The following ESRRB variants were observed in gnomAD, a reference collection of about 807,000 sequenced individuals.
The protein encoded by ESRRB is estrogen related receptor beta, also known as steroid hormone receptor ERR2.
A neutral mutation model predicts 46.0 loss-of-function variants in ESRRB; 16 were observed. The observed-to-expected ratio is 0.35, with a 90% CI of 0.24 to 0.53. The LOEUF (loss-of-function observed/expected upper bound fraction) is 0.53. Among genes scored for constraint, ESRRB ranks in the 20% least tolerant of loss-of-function variants. ESRRB has a pLI of 0.93. For synonymous variants in ESRRB, 246 were observed against 259.6 expected, an observed-to-expected ratio of 0.95 and a Z score of 0.50; for missense variants, 488 against 607.4, an observed-to-expected ratio of 0.80 and a Z score of 2.07.
intron 3 of ESRRB, among the ~76,000 whole-genome samples, chr14:76,474,253 C>A (rs960951782): frequency 2.0e-5 from 3 of 152,236 alleles, no homozygotes; most frequent in African/African-American, 7.2e-5. Flanking sequence ...GACTCTATGA[C>A]CTTCAACAGG....
chr14:76,394,490 ACT>A (rs1185940168), intron 1 of ESRRB, among the ~76,000 whole-genome samples: 1 of 151,842 alleles, frequency 6.6e-6, no homozygotes, highest in Non-Finnish European at 1.5e-5. Flanking sequence ...TGTGGCTGGT[ACT>A]CTCCTCCCCA....
chr14:76,385,476 GT>G lies in ESRRB; in HGVS notation c.50+9031del, dbSNP rs1885187412. Among the ~76,000 whole-genome samples the G allele has an allele frequency of 2.0e-5, 3 of 152,306 alleles. No individual in the cohort carries two copies. The South Asian group carries it at 6.2e-4, about 32-fold the overall frequency. ...TTTAAGAAGGATTAGGAGAAAGGGT[GT>G]TTTTTCTTACAGAGAACATTTGGAA... On this transcript the variant is annotated intron_variant, in intron 1 of 6. Transcript: ENST00000644823.
chr14:76,386,650 C>CG (rs1268247646), intron 1 of ESRRB, among the ~76,000 whole-genome samples: 1 of 151,702 alleles, frequency 6.6e-6, no homozygotes, highest in East Asian at 1.9e-4. Context: ...TTAGTAGAGA[C>CG]GGGGTTTCAC....
intron 2 of ESRRB, among the ~76,000 whole-genome samples, chr14:76,449,761 CTTTTTT>C (rs79764142): frequency 1.6e-5 from 2 of 126,302 alleles, no homozygotes; most frequent in Non-Finnish European, 3.3e-5. Flanking sequence ...TTTTTCTTTC[CTTTTTT>C]TTTTTTTTTT....
chr14:76,441,675 T>C (rs1887929313), intron 2 of ESRRB, among the ~76,000 whole-genome samples: 1 of 152,204 alleles, frequency 6.6e-6, no homozygotes, highest in South Asian at 2.1e-4. Flanking sequence ...ATTCAGTTAG[T>C]CAAGTATCTG....
At chr14:76,401,144 G>A (rs895694479) in intron 1 of ESRRB, among the ~76,000 whole-genome samples, 5 of 152,232 alleles carry the variant, frequency 3.3e-5, no homozygotes, top group African/African-American at 1.2e-4. Context: ...CTGTGTCATA[G>A]GAAAAGGGAA....
chr14:76,411,875 A>G (rs917966569), intron 1 of ESRRB, among the ~76,000 whole-genome samples: 5 of 152,154 alleles, frequency 3.3e-5, no homozygotes, highest in South Asian at 4.1e-4. Context: ...TTATCATCAC[A>G]CTATTATTTA....
At chr14:76,404,445 G>T (rs1030666861) in intron 1 of ESRRB, 5 of 151,998 alleles carry the variant, frequency 3.3e-5, no homozygotes, top group Admixed American at 1.3e-4. Context: ...CCAAAATGGT[G>T]TCCAGAACTT....
chr14:76,449,587 C>G (rs1034382162), intron 2 of ESRRB, among the ~76,000 whole-genome samples: 1 of 151,770 alleles, frequency 6.6e-6, no homozygotes, highest in African/African-American at 2.4e-5. Flanking sequence ...TTTATTTACT[C>G]CCTTTGTAGT....
rs538500791 is a variant in ESRRB at position 76,344,715 on chromosome 14, G to A, written c.2+33799G>A. Reference sequence around the variant, plus strand: ...AAAATTCAAAAAATTAGCCAGGCATGGTGGTGGGCACCTGTAGTCCCACTT... The same window carrying A: ...AAAATTCAAAAAATTAGCCAGGCATAGTGGTGGGCACCTGTAGTCCCACTT... On this transcript the variant is annotated intron_variant, in intron 1 of 6. Transcript: ENST00000512784. Among the ~76,000 whole-genome samples, 32 of 152,260 alleles carry A rather than the reference G, an allele frequency of 2.1e-4. 1 individual carries two copies. In the South Asian group the frequency reaches 5.2e-3, roughly 25 times the overall value.
chr14:76,385,229 C>A (rs55808003), intron 1 of ESRRB, among the ~76,000 whole-genome samples: 11,290 of 132,984 alleles, frequency 0.085, 778 homozygotes, highest in African/African-American at 0.21. Context: ...AAAAAAAAAA[C>A]AACCAAACCT....
chr14:76,345,093 C>T (rs80045822), intron 1 of ESRRB, among the ~76,000 whole-genome samples: 74 of 152,228 alleles, frequency 4.9e-4, no homozygotes, highest in East Asian at 5.8e-4. Flanking sequence ...AAAATTCTAG[C>T]GGATACTTTG....
intron 2 of ESRRB, among the ~76,000 whole-genome samples, chr14:76,458,425 G>GACACACACACACACAC (rs58562150): frequency 7.4e-6 from 1 of 134,858 alleles, no homozygotes; most frequent in Non-Finnish European, 1.6e-5. Flanking sequence ...CTCTCTCTCT[G>GACACACACACACACAC]ACACACACAC....
intron 1 of ESRRB, among the ~76,000 whole-genome samples, chr14:76,429,247 G>A (rs558708723): frequency 6.6e-6 from 1 of 152,232 alleles, no homozygotes; most frequent in Admixed American, 6.5e-5. Context: ...TAGTAAGTTT[G>A]AGCAAGTCAT....
chr14:76,369,416 G>A (rs990399782), upstream of ESRRB, among the ~76,000 whole-genome samples: 3 of 151,544 alleles, frequency 2.0e-5, no homozygotes, highest in African/African-American at 7.3e-5. Context: ...TGGGACTACA[G>A]GCACACACCA....
At chr14:76,356,767 C>T (rs1309965020) in intron 1 of ESRRB, among the ~76,000 whole-genome samples, 9 of 152,250 alleles carry the variant, frequency 5.9e-5, no homozygotes, top group African/African-American at 2.2e-4. Context: ...AATAATCACT[C>T]CTGTCCAGCC....
At chr14:76,408,171 G>A (rs745507758) in intron 1 of ESRRB, among the ~76,000 whole-genome samples, 13 of 152,156 alleles carry the variant, frequency 8.5e-5, no homozygotes, top group Non-Finnish European at 1.6e-4. Context: ...AGGCTATCTG[G>A]CCCCACTCAT....
intron 1 of ESRRB, among the ~76,000 whole-genome samples, chr14:76,326,914 T>C (rs574829869): frequency 6.6e-6 from 1 of 152,380 alleles, no homozygotes; most frequent in African/African-American, 2.4e-5. Flanking sequence ...GGCCACCATC[T>C]GCTAGAGCAG....
chr14:76,386,121 T>G (rs1227739928), intron 1 of ESRRB, among the ~76,000 whole-genome samples: 2 of 152,202 alleles, frequency 1.3e-5, no homozygotes, highest in Non-Finnish European at 2.9e-5. Flanking sequence ...GTGATCAATA[T>G]GGCTCGCGTG....
Sources: allele counts gnomAD v4.1 joint callset (sites outside exome capture counted in the v4.1 genomes callset), GRCh38; gene constraint gnomAD v4.1.1; transcripts MANE v1.5; gene names NCBI Gene and HGNC (gene_info 2026-07-23, HGNC 2026-07-21).